The following MAPK10 variants were observed in gnomAD, a reference collection of about 807,000 sequenced individuals.
MAPK10 encodes JNK3 alpha protein kinase.
In MAPK10, 25 loss-of-function variants were observed where a neutral mutation model predicts 59.3. The observed-to-expected ratio is 0.42, with a 90% CI of 0.31 to 0.59. The LOEUF (loss-of-function observed/expected upper bound fraction) is 0.59, where lower values mean the gene tolerates loss of function less well. Ranked by LOEUF, MAPK10 falls within the 20% of genes least tolerant of loss-of-function variation. The pLI, the probability that MAPK10 is intolerant of heterozygous loss-of-function variation, is 0.15. For synonymous variants in MAPK10, 190 were observed against 200.5 expected, an observed-to-expected ratio of 0.95 and a Z score of 0.44; for missense variants, 351 against 568.9, an observed-to-expected ratio of 0.62 and a Z score of 3.90.
intron 2 of MAPK10, among the ~76,000 whole-genome samples, chr4:86,200,731 A>G (rs2082427502): frequency 6.6e-6 from 1 of 151,938 alleles, no homozygotes. Flanking sequence ...TTATGGATAC[A>G]TGACAGCTAT....
At chr4:86,042,695 G>C (rs1003834955) in intron 11 of MAPK10, among the ~76,000 whole-genome samples, 7 of 151,348 alleles carry the variant, frequency 4.6e-5, no homozygotes, top group Admixed American at 6.6e-5. Context: ...ATTTATGGTA[G>C]AGACAAAAAA....
At chr4:86,443,871 C>T (rs1257286368) in intron 1 of MAPK10, among the ~76,000 whole-genome samples, 1 of 151,844 alleles carries the variant, frequency 6.6e-6, no homozygotes, top group Non-Finnish European at 1.5e-5. Context: ...AAAAAGTAGA[C>T]AACATGCAAG....
chr4:86,262,379 A>C (rs953588491), intron 2 of MAPK10, among the ~76,000 whole-genome samples: 1 of 152,346 alleles, frequency 6.6e-6, no homozygotes, highest in East Asian at 1.9e-4. Context: ...TCTTTATAAA[A>C]TACCCAGTTT....
chr4:86,246,689 C>G (rs1250652443), intron 2 of MAPK10, among the ~76,000 whole-genome samples: 2 of 152,086 alleles, frequency 1.3e-5, no homozygotes, highest in Non-Finnish European at 2.9e-5. Context: ...TTACCACCTC[C>G]ACTACAGATG....
chr4:86,459,295 C>T (rs749275659), intron 1 of MAPK10, among the ~76,000 whole-genome samples: 8 of 152,170 alleles, frequency 5.3e-5, no homozygotes, highest in Non-Finnish European at 1.0e-4. Flanking sequence ...AACACTTCTA[C>T]GCTGCTGGTG....
intron 2 of MAPK10, among the ~76,000 whole-genome samples, chr4:86,346,381 A>C (rs1033177779): frequency 1.3e-5 from 2 of 152,182 alleles, no homozygotes; most frequent in Non-Finnish European, 2.9e-5. Flanking sequence ...TATGGTACCT[A>C]ATACAAGGTA....
intron 11 of MAPK10, among the ~76,000 whole-genome samples, chr4:86,042,890 C>T (rs934487912): frequency 6.6e-6 from 1 of 152,034 alleles, no homozygotes; most frequent in African/African-American, 2.4e-5. Flanking sequence ...TTAAATTTTC[C>T]AGTCACCTTG....
chr4:86,201,421 A>G (rs558310623), intron 2 of MAPK10, among the ~76,000 whole-genome samples: 3 of 152,034 alleles, frequency 2.0e-5, no homozygotes, highest in East Asian at 3.9e-4. Context: ...TAAAAATATA[A>G]TGCTGACTAA....
chr4:86,346,782 C>G (rs1728503014), intron 2 of MAPK10, among the ~76,000 whole-genome samples: 1 of 149,840 alleles, frequency 6.7e-6, no homozygotes, highest in Non-Finnish European at 1.5e-5. Context: ...ACAGTTTAAA[C>G]ACAGCTGTAT....
chr4:86,401,083 C>G (rs1306927268), intron 1 of MAPK10, among the ~76,000 whole-genome samples: 1 of 152,026 alleles, frequency 6.6e-6, no homozygotes, highest in Non-Finnish European at 1.5e-5. Flanking sequence ...CTTTTATTTT[C>G]CACTTGCCTC....
chr4:86,544,460 A>G (rs1758984649), intron 1 of MAPK10, among the ~76,000 whole-genome samples: 1 of 152,238 alleles, frequency 6.6e-6, no homozygotes, highest in Non-Finnish European at 1.5e-5. Context: ...GTAGGAAGCC[A>G]CAAACATCTA....
chr4:86,102,930 G>C lies in MAPK10; in HGVS notation c.425+256C>G, dbSNP rs191575072. 52 of 307,188 alleles carry C rather than the reference G, an allele frequency of 1.7e-4. 1 individual carries two copies. Among genetic ancestry groups the C allele is most frequent in the African/African-American group, 1.1e-3 (51 of 46,788 alleles). The allele number at this position is 307,188 out of a possible 1,614,324, so 19.0% of individuals were successfully genotyped here. A position where few individuals can be genotyped will look rare whatever the true frequency, so the allele number is the denominator to read the frequency against. ...GTGACCAAGAGCATGGAACAACAAA[G>C]TATATAAAGCCACAAGGCCAAAAGG... On this transcript the variant is annotated intron_variant, in intron 6 of 13. Coordinates refer to ENST00000641462, the MANE Select transcript of MAPK10 (RefSeq NM_138982.4).
intron 2 of MAPK10, among the ~76,000 whole-genome samples, chr4:86,273,629 C>T (rs531850152): frequency 1.3e-5 from 2 of 152,052 alleles, no homozygotes; most frequent in African/African-American, 2.4e-5. Context: ...TATCAAACAG[C>T]CTTACTGATT....
intron 2 of MAPK10, among the ~76,000 whole-genome samples, chr4:86,350,350 G>A (rs1288913329): frequency 2.6e-5 from 4 of 152,154 alleles, no homozygotes; most frequent in African/African-American, 4.8e-5. Context: ...AAGTAGCTGG[G>A]ACTACAGGAA....
intron 4 of MAPK10, among the ~76,000 whole-genome samples, chr4:86,155,187 A>G (rs1427513322): frequency 1.3e-5 from 2 of 151,878 alleles, no homozygotes; most frequent in African/African-American, 4.8e-5. Context: ...TAAAAGGGAG[A>G]ACTTTTTTTC....
intron 1 of MAPK10, among the ~76,000 whole-genome samples, chr4:86,547,640 G>T (rs186085875): frequency 6.6e-6 from 1 of 152,194 alleles, no homozygotes; most frequent in Admixed American, 6.5e-5. Flanking sequence ...GAGGAATGCC[G>T]GCGGCAGGCA....
At chr4:86,124,322 A>G (rs949671191) in intron 4 of MAPK10, 40 of 152,038 alleles carry the variant, frequency 2.6e-4, no homozygotes, top group African/African-American at 8.7e-4. Context: ...AATTAGAATC[A>G]CTTTATTACA....
At chr4:86,221,723 G>A (rs2089663093) in intron 2 of MAPK10, among the ~76,000 whole-genome samples, 1 of 152,000 alleles carries the variant, frequency 6.6e-6, no homozygotes, top group African/African-American at 2.4e-5. Context: ...GGCTGGTCTC[G>A]AACTCTTGGG....
intron 1 of MAPK10, among the ~76,000 whole-genome samples, chr4:86,590,215 G>A (rs1230440681): frequency 2.0e-5 from 3 of 151,978 alleles, no homozygotes; most frequent in Admixed American, 2.0e-4. Flanking sequence ...ATTTAGGTGT[G>A]TGTGTCTGAA....
Sources: gnomAD v4.1 joint callset for allele counts (sites outside exome capture counted in the v4.1 genomes callset) on GRCh38, gnomAD v4.1.1 for gene constraint, MANE v1.5 for transcripts, NCBI Gene and HGNC (gene_info 2026-07-23, HGNC 2026-07-21) for gene names.